GALNT1: variants seen among roughly 807,000 people sequenced by gnomAD.
GALNT1 encodes polypeptide N-acetylgalactosaminyltransferase 1.
In GALNT1, 17 loss-of-function variants were observed where a neutral mutation model predicts 65.7. The observed-to-expected ratio is 0.26, with a 90% CI of 0.18 to 0.39. The LOEUF (loss-of-function observed/expected upper bound fraction) is 0.39, where lower values mean the gene tolerates loss of function less well. Ranked by LOEUF, GALNT1 falls within the 10% of genes least tolerant of loss-of-function variation. GALNT1 has a pLI of 1.00. For missense variants in GALNT1, 460 were observed against 672.8 expected (o/e 0.68, Z 3.50); for synonymous variants, 210 against 219.7 (o/e 0.96, Z 0.39).
intron 3 of GALNT1, 71 bp downstream of exon 3, chr18:35,663,873 T>C: frequency 1.4e-6 from 2 of 1,419,390 alleles, no homozygotes; most frequent in Non-Finnish European, 2.0e-6. Context: ...AAATTGCACT[T>C]GAGTGCTGAT....
chr18:35,600,638 A>C (rs1454579367), intron 1 of GALNT1, among the ~76,000 whole-genome samples: 1 of 152,134 alleles, frequency 6.6e-6, no homozygotes, highest in Non-Finnish European at 1.5e-5. Flanking sequence ...CCCATTCAGT[A>C]CAATGTTAGC....
intron 1 of GALNT1, among the ~76,000 whole-genome samples, chr18:35,651,378 A>G (rs929114976): frequency 4.6e-5 from 7 of 152,206 alleles, no homozygotes; most frequent in Admixed American, 1.3e-4. Context: ...AAACTTCAAA[A>G]TGTAATTTTA....
intron 1 of GALNT1, among the ~76,000 whole-genome samples, chr18:35,649,217 G>A (rs1042170364): frequency 6.6e-6 from 1 of 152,130 alleles, no homozygotes; most frequent in African/African-American, 2.4e-5. Flanking sequence ...TTCCTTTCCA[G>A]CACTTGTTGT....
At chr18:35,695,830 C>T (rs747533102) in intron 9 of GALNT1, among the ~76,000 whole-genome samples, 11 of 152,096 alleles carry the variant, frequency 7.2e-5, no homozygotes, top group African/African-American at 1.9e-4. Flanking sequence ...GTGAGTGGTG[C>T]GCCAGGGAAA....
chr18:35,586,906 G>A (rs1457794816), intron 1 of GALNT1, among the ~76,000 whole-genome samples: 2 of 152,134 alleles, frequency 1.3e-5, no homozygotes, highest in Admixed American at 1.3e-4. Flanking sequence ...CAGTAGACCT[G>A]TATCAGTATG....
At chr18:35,699,747 T>C (rs2048124460) in intron 9 of GALNT1, among the ~76,000 whole-genome samples, 1 of 151,324 alleles carries the variant, frequency 6.6e-6, no homozygotes, top group Non-Finnish European at 1.5e-5. Context: ...CTCTTCCTTC[T>C]ATATTTTCCA....
intron 1 of GALNT1, among the ~76,000 whole-genome samples, chr18:35,646,239 G>A (rs570389369): frequency 7.2e-4 from 110 of 152,154 alleles, no homozygotes; most frequent in Non-Finnish European, 1.5e-3. Flanking sequence ...TCACTATCCC[G>A]AGAACAGCAA....
chr18:35,596,207 C>T (rs2046503051), intron 1 of GALNT1: 1 of 152,030 alleles, frequency 6.6e-6, no homozygotes, highest in South Asian at 2.1e-4. Flanking sequence ...CCCCAGAGAC[C>T]CCAAATGGGA....
intron 3 of GALNT1, among the ~76,000 whole-genome samples, chr18:35,672,168 G>A (rs1293160719): frequency 6.6e-6 from 1 of 152,190 alleles, no homozygotes; most frequent in Non-Finnish European, 1.5e-5. Flanking sequence ...TGGTTGTGAG[G>A]ATTTGTAAAG....
chr18:35,681,675 T>C (rs995523496), intron 4 of GALNT1, among the ~76,000 whole-genome samples: 8 of 152,250 alleles, frequency 5.3e-5, no homozygotes, highest in Admixed American at 1.3e-4. Context: ...ATATATCTTA[T>C]ACCCTACTGC....
intron 1 of GALNT1, among the ~76,000 whole-genome samples, chr18:35,607,901 G>A (rs2046671730): frequency 6.6e-6 from 1 of 152,068 alleles, no homozygotes; most frequent in Non-Finnish European, 1.5e-5. Context: ...AAAATTGGGG[G>A]TTCTGTAACT....
At chr18:35,663,531 T>A in intron 2 of GALNT1, 97 bp from the exon 3 acceptor site, 1 of 1,288,014 alleles carries the variant, frequency 7.8e-7, no homozygotes, top group Non-Finnish European at 1.1e-6. Context: ...GTTCTGGTTG[T>A]TGAGGGCACA....
chr18:35,633,105 A>G (rs2047038953), intron 1 of GALNT1, among the ~76,000 whole-genome samples: 1 of 152,214 alleles, frequency 6.6e-6, no homozygotes. Flanking sequence ...GGGACTGTAA[A>G]CTGGTTCAAC....
chr18:35,594,272 A>G (rs2143890924), intron 1 of GALNT1, among the ~76,000 whole-genome samples: 1 of 152,254 alleles, frequency 6.6e-6, no homozygotes, highest in African/African-American at 2.4e-5. Flanking sequence ...AATAAAGAGT[A>G]TTATCCTTAA....
intron 9 of GALNT1, among the ~76,000 whole-genome samples, chr18:35,695,006 G>C (rs982077566): frequency 6.6e-6 from 1 of 152,182 alleles, no homozygotes; most frequent in African/African-American, 2.4e-5. Flanking sequence ...GTGGTTACCA[G>C]GGCTGAGGGA....
intron 3 of GALNT1, chr18:35,664,478 A>G (rs2047517860): frequency 6.6e-6 from 1 of 152,170 alleles, no homozygotes; most frequent in Non-Finnish European, 1.5e-5. Context: ...GATTATTTCT[A>G]CTTTTTGACC....
chr18:35,589,196 A>G (rs1247531178), intron 1 of GALNT1, among the ~76,000 whole-genome samples: 1 of 152,084 alleles, frequency 6.6e-6, no homozygotes, highest in East Asian at 1.9e-4. Context: ...GTGGGAGTAG[A>G]GGTCCAGGAT....
At chr18:35,702,809 G>T (rs2048186779) in intron 9 of GALNT1, 88 bp from the exon 10 acceptor site, 3 of 789,648 alleles carry the variant, frequency 3.8e-6, no homozygotes, top group Admixed American at 2.7e-5. Context: ...GGAAAGTTTA[G>T]GTTGATATTT....
chr18:35,658,206 G>T (rs747020976), intron 2 of GALNT1, among the ~76,000 whole-genome samples: 10 of 152,212 alleles, frequency 6.6e-5, no homozygotes, highest in Non-Finnish European at 1.3e-4. Flanking sequence ...CAGTTGTGAG[G>T]TTAAATGGAC....
Sources: allele counts gnomAD v4.1 joint callset (sites outside exome capture counted in the v4.1 genomes callset), GRCh38; gene constraint gnomAD v4.1.1; transcripts MANE v1.5; gene names NCBI Gene and HGNC (gene_info 2026-07-23, HGNC 2026-07-21).